The following PTPRG variants were observed in gnomAD, a reference collection of about 807,000 sequenced individuals.
PTPRG encodes the protein receptor-type tyrosine-protein phosphatase gamma.
PTPRG carries 102 observed loss-of-function variants against 165.3 expected under a neutral mutation model. The ratio of observed to expected loss-of-function variants is 0.62; its 90% CI spans 0.53 to 0.73. The LOEUF (loss-of-function observed/expected upper bound fraction) is 0.73. PTPRG is among the 30% of genes least tolerant of loss of function. The probability of loss-of-function intolerance (pLI) is 0.00; values close to 1 mark genes in which losing one functional copy is unlikely to be tolerated. For missense variants in PTPRG, 1,866 were observed against 1,861.4 expected (o/e 1.00, Z -0.05); for synonymous variants, 675 against 669.5 (o/e 1.01, Z -0.13).
At chr3:61,823,393 T>G (rs2107264684) in intron 2 of PTPRG, among the ~76,000 whole-genome samples, 1 of 152,292 alleles carries the variant, frequency 6.6e-6, no homozygotes, top group Admixed American at 6.5e-5. Flanking sequence ...TTTCACCATG[T>G]TGAGCAGGAT....
chr3:61,695,156 G>A (rs909487067), intron 1 of PTPRG, among the ~76,000 whole-genome samples: 1 of 151,972 alleles, frequency 6.6e-6, no homozygotes, highest in African/African-American at 2.4e-5. Flanking sequence ...GATTACAGGC[G>A]CCTGCTACCA....
chr3:62,014,814 A>G (rs991057229), intron 4 of PTPRG, among the ~76,000 whole-genome samples: 1 of 152,234 alleles, frequency 6.6e-6, no homozygotes, highest in African/African-American at 2.4e-5. Flanking sequence ...AAGCATATAT[A>G]GTCAGCACCC....
intron 1 of PTPRG, among the ~76,000 whole-genome samples, chr3:61,580,863 C>T (rs1041291548): frequency 2.8e-4 from 42 of 152,332 alleles, no homozygotes; most frequent in African/African-American, 9.9e-4. Context: ...TACCCTTGGT[C>T]TGCAGAGGGC....
At chr3:62,054,655 C>T (rs1393594148) in intron 4 of PTPRG, among the ~76,000 whole-genome samples, 1 of 152,176 alleles carries the variant, frequency 6.6e-6, no homozygotes, top group African/African-American at 2.4e-5. Flanking sequence ...CTCTTTGGGA[C>T]ATTTGAATTC....
At chr3:61,896,487 T>A (rs960519516) in intron 2 of PTPRG, among the ~76,000 whole-genome samples, 3 of 152,256 alleles carry the variant, frequency 2.0e-5, no homozygotes, top group African/African-American at 7.2e-5. Flanking sequence ...AGTTTTTGGC[T>A]ATTACAGATA....
At chr3:61,972,498 G>A (rs2040406690) in intron 2 of PTPRG, among the ~76,000 whole-genome samples, 1 of 151,730 alleles carries the variant, frequency 6.6e-6, no homozygotes, top group South Asian at 2.1e-4. Flanking sequence ...AGGGGAGGGT[G>A]GGTCAGAGAG....
At chr3:61,886,198 T>C (rs1052944336) in intron 2 of PTPRG, among the ~76,000 whole-genome samples, 1 of 152,138 alleles carries the variant, frequency 6.6e-6, no homozygotes, top group African/African-American at 2.4e-5. Flanking sequence ...AGAAGAACTG[T>C]CTTCCTTCTG....
chr3:62,013,662 C>T (rs932844814), intron 4 of PTPRG, among the ~76,000 whole-genome samples: 1 of 151,976 alleles, frequency 6.6e-6, no homozygotes, highest in Non-Finnish European at 1.5e-5. Context: ...AGATTATGTA[C>T]CTCATAATGT....
At chr3:61,917,406 G>C (rs2038967369) in intron 2 of PTPRG, among the ~76,000 whole-genome samples, 1 of 152,170 alleles carries the variant, frequency 6.6e-6, no homozygotes, top group African/African-American at 2.4e-5. Context: ...TTGCCTGGCA[G>C]TTGCTCCATG....
chr3:61,636,221 T>A (rs1421657537), intron 1 of PTPRG, among the ~76,000 whole-genome samples: 1 of 152,214 alleles, frequency 6.6e-6, no homozygotes, highest in African/African-American at 2.4e-5. Flanking sequence ...GTATACAGTT[T>A]ACTCATTTAA....
chr3:62,015,033 G>A (rs2041508082), intron 4 of PTPRG, among the ~76,000 whole-genome samples: 1 of 152,160 alleles, frequency 6.6e-6, no homozygotes, highest in South Asian at 2.1e-4. Context: ...TATGCCAGTA[G>A]GGAAACCCCA....
At chr3:61,839,099 A>G (rs1179462899) in intron 2 of PTPRG, among the ~76,000 whole-genome samples, 1 of 152,200 alleles carries the variant, frequency 6.6e-6, no homozygotes, top group African/African-American at 2.4e-5. Flanking sequence ...TAAAACCAAC[A>G]AGGCATATAT....
At chr3:61,954,005 C>T (rs888464588) in intron 2 of PTPRG, among the ~76,000 whole-genome samples, 1 of 152,134 alleles carries the variant, frequency 6.6e-6, no homozygotes, top group African/African-American at 2.4e-5. Context: ...TGTAGTACTC[C>T]CTTGGATGAA....
chr3:61,887,123 C>CATATATATATATATATATATAT (rs148352398), intron 2 of PTPRG, among the ~76,000 whole-genome samples: 8 of 85,944 alleles, frequency 9.3e-5, no homozygotes, highest in South Asian at 4.1e-4. Flanking sequence ...CCATAGCATG[C>CATATATATATATATATATATAT]ATATATATAT....
rs1396003605 is a variant in PTPRG at position 62,252,146 on chromosome 3, C to T, written c.2468-2978C>T. On this transcript the variant is annotated intron_variant, in intron 15 of 29. Coordinates refer to ENST00000474889, the MANE Select transcript of PTPRG (RefSeq NM_002841.4). This position sits in a 1 kb window ranked among gnomAD's most constrained non-coding sequence, Gnocchi z 4.6. ...CCACTGCATCAGTGACATTTACTCCCACTGTCATCAAATCCATCCTTTTAA... is the reference window on the plus strand; with the variant it reads ...CCACTGCATCAGTGACATTTACTCCTACTGTCATCAAATCCATCCTTTTAA... Among the ~76,000 whole-genome samples, 1 of 152,124 alleles carries T rather than the reference C, an allele frequency of 6.6e-6. No homozygotes were observed. The highest frequency in any genetic ancestry group is 1.5e-5 in the Non-Finnish European group (1 of 68,020).
At chr3:61,902,098 C>T (rs1441063698) in intron 2 of PTPRG, among the ~76,000 whole-genome samples, 1 of 152,186 alleles carries the variant, frequency 6.6e-6, no homozygotes, top group Admixed American at 6.5e-5. Context: ...TGTTGGTTAT[C>T]ACCCAGTATG....
At chr3:62,048,130 G>A (rs1216878152) in intron 4 of PTPRG, among the ~76,000 whole-genome samples, 1 of 151,916 alleles carries the variant, frequency 6.6e-6, no homozygotes, top group African/African-American at 2.4e-5. Flanking sequence ...ACATAATAAT[G>A]CTGTTTTATG....
At chr3:62,177,071 T>G (rs1233664928) in intron 8 of PTPRG, among the ~76,000 whole-genome samples, 1 of 151,996 alleles carries the variant, frequency 6.6e-6, no homozygotes, top group Admixed American at 6.6e-5. Flanking sequence ...CCTGACCAGC[T>G]TGGGCAACAG....
intron 2 of PTPRG, among the ~76,000 whole-genome samples, chr3:61,797,840 T>C (rs1277061716): frequency 6.6e-6 from 1 of 151,824 alleles, no homozygotes; most frequent in East Asian, 1.9e-4. Context: ...TCCTCAACTC[T>C]AATTTTTAAT....
Sources: gnomAD v4.1 joint callset for allele counts (sites outside exome capture counted in the v4.1 genomes callset) on GRCh38, gnomAD v4.1.1 for gene constraint, Gnocchi (gnomAD v3.1) non-coding constraint, MANE v1.5 for transcripts, NCBI Gene and HGNC (gene_info 2026-07-23, HGNC 2026-07-21) for gene names.